Variants in VAV3 observed in about 807,000 individuals in gnomAD.
VAV3 encodes the protein guanine nucleotide exchange factor VAV3.
Under a neutral mutation model 131.2 loss-of-function variants are expected in VAV3, and 94 were observed. The ratio of observed to expected loss-of-function variants is 0.72; its 90% CI spans 0.61 to 0.85. VAV3 has a LOEUF of 0.85. VAV3 is among the 40% of genes least tolerant of loss of function. The pLI, the probability that VAV3 is intolerant of heterozygous loss-of-function variation, is 0.00. For missense variants in VAV3, 939 were observed against 1,002.7 expected (o/e 0.94, Z 0.86); for synonymous variants, 349 against 342.0 (o/e 1.02, Z -0.22).
At chr1:107,610,082 G>T in intron 21 of VAV3, 117 bp from the exon 22 acceptor site, 1 of 808,214 alleles carries the variant, frequency 1.2e-6, no homozygotes, top group South Asian at 1.7e-5. Context: ...CACAGTCCTG[G>T]AACTATCCAT....
intron 20 of VAV3, 98 bp from the exon 21 acceptor site, chr1:107,617,730 G>C (rs1653272745): frequency 9.5e-7 from 1 of 1,054,950 alleles, no homozygotes; most frequent in Non-Finnish European, 1.4e-6. Context: ...AGGATCCTTA[G>C]AATTCCTTAT....
chr1:107,846,546 G>C lies in VAV3; in HGVS notation c.321+28355C>G, dbSNP rs562427149. Among the ~76,000 whole-genome samples the C allele has an allele frequency of 5.1e-4, 78 of 152,254 alleles. 2 individuals carry two copies. In the East Asian group the frequency reaches 0.014, roughly 28 times the overall value. On this transcript the variant is annotated intron_variant, in intron 2 of 26. Transcript: ENST00000370056. Reference sequence around the variant, plus strand: ...ATCTCACATGCAAAGACACACATAGGCTCAAAATAAAGGGATGGAGGAATA... The same window carrying C: ...ATCTCACATGCAAAGACACACATAGCCTCAAAATAAAGGGATGGAGGAATA...
At chr1:107,685,513 C>T (rs1658954989) in intron 18 of VAV3, among the ~76,000 whole-genome samples, 1 of 152,060 alleles carries the variant, frequency 6.6e-6, no homozygotes, top group Admixed American at 6.6e-5. Context: ...CTTTTGGTGC[C>T]TTACTACTTA....
At chr1:107,878,967 A>C (rs1670638301) in intron 1 of VAV3, among the ~76,000 whole-genome samples, 1 of 152,170 alleles carries the variant, frequency 6.6e-6, no homozygotes, top group African/African-American at 2.4e-5. Context: ...TTGTCAAAAA[A>C]CAGAAAAAAA....
At chr1:107,742,544 C>T (rs1663086581) in intron 15 of VAV3, among the ~76,000 whole-genome samples, 2 of 152,180 alleles carry the variant, frequency 1.3e-5, no homozygotes, top group South Asian at 2.1e-4. Context: ...CAAACACCTG[C>T]ATCTCAAAAG....
At chr1:107,870,461 T>C (rs1670202131) in intron 2 of VAV3, among the ~76,000 whole-genome samples, 1 of 152,188 alleles carries the variant, frequency 6.6e-6, no homozygotes, top group Non-Finnish European at 1.5e-5. Context: ...ATTCATGTCC[T>C]TAGCCCACTT....
At chr1:107,787,616 T>C (rs1254772301) in intron 2 of VAV3, among the ~76,000 whole-genome samples, 1 of 152,202 alleles carries the variant, frequency 6.6e-6, no homozygotes. Context: ...GGCCCACCCC[T>C]CTCATCATCA....
At chr1:107,936,558 T>A (rs1673719395) in intron 1 of VAV3, among the ~76,000 whole-genome samples, 1 of 152,102 alleles carries the variant, frequency 6.6e-6, no homozygotes, top group Non-Finnish European at 1.5e-5. Context: ...GCAACTTCTG[T>A]TTTTAATTGT....
At chr1:107,594,112 T>C (rs79964079) in intron 25 of VAV3, among the ~76,000 whole-genome samples, 2 of 152,204 alleles carry the variant, frequency 1.3e-5, no homozygotes, top group Non-Finnish European at 2.9e-5. Flanking sequence ...TGACTAATCT[T>C]GGAGTGTTAA....
chr1:107,903,983 T>A (rs920341681), intron 1 of VAV3, among the ~76,000 whole-genome samples: 12 of 152,132 alleles, frequency 7.9e-5, no homozygotes, highest in Non-Finnish European at 1.5e-4. Flanking sequence ...TGCAGCTGGA[T>A]ACTCTAACAC....
intron 2 of VAV3, among the ~76,000 whole-genome samples, chr1:107,853,429 G>A (rs1161240333): frequency 6.6e-6 from 1 of 152,096 alleles, no homozygotes; most frequent in Non-Finnish European, 1.5e-5. Flanking sequence ...AATAATATGT[G>A]TTTTGTCAGA....
chr1:107,606,544 T>C (rs926615877), intron 22 of VAV3, among the ~76,000 whole-genome samples: 4 of 152,154 alleles, frequency 2.6e-5, no homozygotes, highest in Admixed American at 1.3e-4. Context: ...GAATTCCTGC[T>C]ACTTGAATGC....
chr1:107,635,225 G>A (rs1199508913), intron 20 of VAV3, among the ~76,000 whole-genome samples: 2 of 152,048 alleles, frequency 1.3e-5, no homozygotes, highest in Non-Finnish European at 2.9e-5. Context: ...CAACCCAAAT[G>A]TCCAACAATG....
chr1:107,798,846 AG>A (rs1221929945), intron 2 of VAV3, among the ~76,000 whole-genome samples: 2 of 151,966 alleles, frequency 1.3e-5, no homozygotes, highest in Non-Finnish European at 2.9e-5. Flanking sequence ...CTATACTGTT[AG>A]AAATTTTACT....
intron 2 of VAV3, among the ~76,000 whole-genome samples, chr1:107,845,322 T>C (rs1235914347): frequency 6.6e-6 from 1 of 152,054 alleles, no homozygotes; most frequent in Non-Finnish European, 1.5e-5. Context: ...CAAAGGTAGA[T>C]AAATCCACAA....
intron 19 of VAV3, among the ~76,000 whole-genome samples, chr1:107,649,828 C>T (rs564608022): frequency 6.6e-6 from 1 of 152,180 alleles, no homozygotes; most frequent in South Asian, 2.1e-4. Flanking sequence ...ACTGTGAATG[C>T]TACCATAAAT....
chr1:107,902,279 T>C (rs954000693), intron 1 of VAV3, among the ~76,000 whole-genome samples: 1 of 152,208 alleles, frequency 6.6e-6, no homozygotes, highest in African/African-American at 2.4e-5. Flanking sequence ...TAAAAGGCCA[T>C]CTGTGATTGA....
intron 25 of VAV3, among the ~76,000 whole-genome samples, chr1:107,593,823 T>C (rs1360905082): frequency 1.3e-5 from 2 of 152,104 alleles, no homozygotes; most frequent in Non-Finnish European, 2.9e-5. Context: ...TTAGTAAATG[T>C]ATTCAAGCCT....
chr1:107,897,655 G>A (rs933066162), intron 1 of VAV3, among the ~76,000 whole-genome samples: 2 of 152,016 alleles, frequency 1.3e-5, no homozygotes, highest in African/African-American at 4.8e-5. Flanking sequence ...TGACACCACG[G>A]TAACTCAGTA....
Sources: gnomAD v4.1 joint callset for allele counts (sites outside exome capture counted in the v4.1 genomes callset) on GRCh38, gnomAD v4.1.1 for gene constraint, MANE v1.5 for transcripts, NCBI Gene and HGNC (gene_info 2026-07-23, HGNC 2026-07-21) for gene names.